DPYS: variants seen among roughly 807,000 people sequenced by gnomAD.
The protein encoded by DPYS is dihydropyrimidinase.
In DPYS, 39 loss-of-function variants were observed where a neutral mutation model predicts 50.3. That is an observed-to-expected ratio of 0.78 (90% CI 0.60 to 1.01). The LOEUF is 1.01. Among genes scored for constraint, DPYS ranks in the 50% least tolerant of loss-of-function variants. The pLI, the probability that DPYS is intolerant of heterozygous loss-of-function variation, is 0.00. For missense variants in DPYS, 659 were observed against 680.9 expected, an observed-to-expected ratio of 0.97 and a Z score of 0.36; for synonymous variants, 245 against 250.7, an observed-to-expected ratio of 0.98 and a Z score of 0.22.
intron 1 of DPYS, among the ~76,000 whole-genome samples, chr8:104,459,470 C>A (rs1301116103): frequency 1.3e-5 from 2 of 152,136 alleles, no homozygotes; most frequent in Non-Finnish European, 1.5e-5. Context: ...ATGCCTGGCA[C>A]TTAGTGGGTT....
intron 7 of DPYS, among the ~76,000 whole-genome samples, chr8:104,407,124 C>T (rs1322748174): frequency 6.6e-6 from 1 of 152,232 alleles, no homozygotes; most frequent in Non-Finnish European, 1.5e-5. Flanking sequence ...GTTTTTCATA[C>T]ATTATTTTAT....
chr8:104,433,421 A>C (rs1263141282), intron 4 of DPYS, among the ~76,000 whole-genome samples: 2 of 152,120 alleles, frequency 1.3e-5, no homozygotes, highest in African/African-American at 4.8e-5. Flanking sequence ...GTTCATATGC[A>C]AGAAAGAAGA....
chr8:104,394,247 C>A (rs531032566), intron 7 of DPYS, among the ~76,000 whole-genome samples: 9 of 152,280 alleles, frequency 5.9e-5, no homozygotes, highest in African/African-American at 2.2e-4. Context: ...GATGAGGAAG[C>A]CCCCGCTGCT....
chr8:104,432,931 T>C (rs1813003301), intron 4 of DPYS, among the ~76,000 whole-genome samples: 3 of 152,216 alleles, frequency 2.0e-5, no homozygotes. Flanking sequence ...CCTCAGAATG[T>C]AACTGTATTT....
Position 104,467,045 on chromosome 8 carries a change from G to C in DPYS, c.-125C>G. 1.6e-6 allele frequency: 2 copies of C among 1,222,362 alleles called. No homozygotes were observed. Among genetic ancestry groups the C allele is most frequent in the Non-Finnish European group, 2.1e-6 (2 of 943,074 alleles). The allele number at this position is 1,222,362 out of a possible 1,614,324, so 75.7% of individuals were successfully genotyped here. A position where few individuals can be genotyped will look rare whatever the true frequency, so the allele number is the denominator to read the frequency against. On this transcript the variant is annotated 5_prime_UTR_variant, in exon 1 of 10. Coordinates refer to ENST00000351513, the MANE Select transcript of DPYS (RefSeq NM_001385.3). Reference sequence around the variant, plus strand: ...CGACAGCCCCCGAGCTCTGCCTCAGGCTGCAAATCCGGAGCCCGGCGGCCT... The same window carrying C: ...CGACAGCCCCCGAGCTCTGCCTCAGCCTGCAAATCCGGAGCCCGGCGGCCT...
At chr8:104,386,363 T>C (rs528340413) in intron 8 of DPYS, among the ~76,000 whole-genome samples, 2 of 151,904 alleles carry the variant, frequency 1.3e-5, no homozygotes, top group African/African-American at 4.8e-5. Context: ...TGAAACCCCG[T>C]CTCTACTAAA....
intron 4 of DPYS, among the ~76,000 whole-genome samples, chr8:104,430,585 C>G (rs77130359): frequency 0.055 from 8,292 of 152,146 alleles, 254 homozygotes; most frequent in Non-Finnish European, 0.056. Context: ...AGTTAAAATC[C>G]TGATATATAA....
chr8:104,448,231 C>T (rs934600327), intron 2 of DPYS, among the ~76,000 whole-genome samples: 3 of 151,104 alleles, frequency 2.0e-5, no homozygotes, highest in Non-Finnish European at 4.4e-5. Flanking sequence ...TCTTGGTTCA[C>T]TGCAACCTCC....
intron 1 of DPYS, among the ~76,000 whole-genome samples, chr8:104,457,809 C>T (rs1311969914): frequency 2.0e-5 from 3 of 152,158 alleles, no homozygotes; most frequent in Non-Finnish European, 4.4e-5. Context: ...CTTCTTGCCT[C>T]CCTAAGTTTG....
chr8:104,413,058 G>C (rs1487518359), intron 7 of DPYS, among the ~76,000 whole-genome samples: 10 of 152,194 alleles, frequency 6.6e-5, no homozygotes, highest in Non-Finnish European at 4.4e-5. Context: ...CCAGGGGATA[G>C]ATGAATGCCC....
chr8:104,397,742 T>C (rs1333165476), intron 7 of DPYS, among the ~76,000 whole-genome samples: 1 of 152,182 alleles, frequency 6.6e-6, no homozygotes, highest in African/African-American at 2.4e-5. Context: ...AATGCTGAAA[T>C]AGTGCCGTTT....
intron 7 of DPYS, among the ~76,000 whole-genome samples, chr8:104,395,486 A>C (rs1361127920): frequency 2.6e-5 from 4 of 152,096 alleles, no homozygotes; most frequent in Non-Finnish European, 5.9e-5. Flanking sequence ...AATCCCTAAC[A>C]CCTGGCAACC....
chr8:104,451,268 G>A lies in DPYS; in HGVS notation c.401C>T (p.Ala134Val). 1 of 1,614,024 alleles carries A rather than the reference G, an allele frequency of 6.2e-7. No individual in the cohort carries two copies. Among genetic ancestry groups the A allele is most frequent in the Non-Finnish European group, 8.5e-7 (1 of 1,180,014 alleles). The part of the protein sequence containing the change: ...KVCCDYSLHV[A>V]VTWWSDQVKE... ...TACCTGGTCACTCCACCACGTCACT[G>A]CCACATGAAGGCTGTAGTCGCAGCA... The change falls in exon 2 of 10, where the codon GCA becomes GTA. Residue 134 changes from alanine to valine, a missense_variant. Physicochemically the swap from Ala to Val is moderately conservative, Grantham distance 64 (BLOSUM62 0). Transcript: ENST00000351513.
intron 8 of DPYS, among the ~76,000 whole-genome samples, chr8:104,392,201 TAC>T (rs1811409900): frequency 1.3e-5 from 2 of 152,288 alleles, no homozygotes; most frequent in Middle Eastern, 3.4e-3. Context: ...ATTACACTTT[TAC>T]ACAGAGGTCA....
intron 7 of DPYS, among the ~76,000 whole-genome samples, chr8:104,399,310 A>AAAAAAAAAAAAAAAC (rs1811705867): frequency 2.5e-5 from 1 of 40,276 alleles, no homozygotes. Flanking sequence ...AAAAAAAAAA[A>AAAAAAAAAAAAAAAC]CAACAACAAA....
chr8:104,413,149 A>G (rs1812246514), intron 7 of DPYS, among the ~76,000 whole-genome samples: 1 of 152,200 alleles, frequency 6.6e-6, no homozygotes, highest in South Asian at 2.1e-4. Flanking sequence ...AATGTCCACC[A>G]GCAAAAGAAT....
At chr8:104,440,556 C>T (rs557350664) in intron 4 of DPYS, among the ~76,000 whole-genome samples, 2 of 151,982 alleles carry the variant, frequency 1.3e-5, no homozygotes, top group African/African-American at 2.4e-5. Flanking sequence ...TGAGCCACCT[C>T]GACCAGTCTG....
chr8:104,459,948 C>T (rs1294843816), intron 1 of DPYS, among the ~76,000 whole-genome samples: 1 of 152,192 alleles, frequency 6.6e-6, no homozygotes, highest in Non-Finnish European at 1.5e-5. Flanking sequence ...GCCTGCTCCG[C>T]CTTCCCTTGT....
chr8:104,428,116 T>C lies in DPYS; in HGVS notation c.956A>G (p.Asp319Gly). 7 of 1,614,208 alleles carry C rather than the reference T, an allele frequency of 4.3e-6. No individual in the cohort carries two copies. Among genetic ancestry groups the C allele is most frequent in the Non-Finnish European group, 5.9e-6 (7 of 1,180,032 alleles). Residue 319 changes from aspartate (D) to glycine (G), a missense_variant, in exon 6 of 10, where the codon GAT (aspartate) becomes GGT (glycine). Coordinates refer to ENST00000351513, the MANE Select transcript of DPYS (RefSeq NM_001385.3). ...GTTATCAGTCCCTGTTGTGGTTAGATCATCACTGTAAAAGAAAAAACACGA... is the reference window on the plus strand; with the variant it reads ...GTTATCAGTCCCTGTTGTGGTTAGACCATCACTGTAAAAGAAAAAACACGA... ...DFLMNLLAND[D>G]LTTTGTDNCT...
Sources: allele counts gnomAD v4.1 joint callset (sites outside exome capture counted in the v4.1 genomes callset), GRCh38; gene constraint gnomAD v4.1.1; transcripts MANE v1.5; gene names NCBI Gene and HGNC (gene_info 2026-07-23, HGNC 2026-07-21).